The following EIF3H variants were observed in gnomAD, a reference collection of about 807,000 sequenced individuals.
EIF3H encodes the protein eukaryotic translation initiation factor 3 subunit H.
In EIF3H, 26 loss-of-function variants were observed where a neutral mutation model predicts 44.2. That is an observed-to-expected ratio of 0.59 (90% CI 0.43 to 0.82). EIF3H has a LOEUF of 0.82. Ranked by LOEUF, EIF3H falls within the 40% of genes least tolerant of loss-of-function variation. The probability of loss-of-function intolerance (pLI) is 0.00; values close to 1 mark genes in which losing one functional copy is unlikely to be tolerated. For missense variants in EIF3H, 359 were observed against 432.8 expected (o/e 0.83, Z 1.51); for synonymous variants, 166 against 151.9 (o/e 1.09, Z -0.68).
chr8:116,743,799 AAC>A lies in EIF3H; in HGVS notation c.132+11865_132+11866del, dbSNP rs368555154. On this transcript the variant is annotated intron_variant, in intron 1 of 7. Transcript: ENST00000521861. ...ATATATATATATATATATATATATA[AAC>A]ACACACACACACACACACACACACA... 4.0e-3 allele frequency among the ~76,000 whole-genome samples: 345 copies of A among 87,046 alleles called. 3 individuals are homozygous for A. The highest frequency in any genetic ancestry group is 7.8e-3 in the East Asian group (17 of 2,166). The allele number at this position is 87,046 out of a possible 152,430, so 57.1% of individuals were successfully genotyped here. A position where few individuals can be genotyped will look rare whatever the true frequency, so the allele number is the denominator to read the frequency against.
intron 2 of EIF3H, chr8:116,689,238 A>G: frequency 3.2e-6 from 1 of 309,334 alleles, no homozygotes; most frequent in Non-Finnish European, 6.7e-6. Flanking sequence ...AAACTCATAA[A>G]GACAGAATGT....
intron 5 of EIF3H, among the ~76,000 whole-genome samples, 174 bp downstream of exon 5, chr8:116,655,682 G>A (rs879099329): frequency 1.3e-5 from 2 of 152,064 alleles, no homozygotes; most frequent in African/African-American, 2.4e-5. Flanking sequence ...TCAGTTTGGC[G>A]TTTTTCCCTG....
At chr8:116,676,914 G>A (rs1813858814) in intron 2 of EIF3H, among the ~76,000 whole-genome samples, 1 of 151,592 alleles carries the variant, frequency 6.6e-6, no homozygotes, top group African/African-American at 2.4e-5. Flanking sequence ...GCAGATGATT[G>A]GCACCAGTGG....
upstream of EIF3H, among the ~76,000 whole-genome samples, chr8:116,757,834 G>A (rs1031549808): frequency 9.9e-5 from 15 of 151,514 alleles, no homozygotes; most frequent in African/African-American, 2.9e-4. Context: ...CGATTCTCTC[G>A]CCTCAGCCTC....
intron 2 of EIF3H, among the ~76,000 whole-genome samples, chr8:116,704,535 A>C (rs758178072): frequency 2.6e-5 from 4 of 152,330 alleles, no homozygotes; most frequent in Non-Finnish European, 5.9e-5. Context: ...TCTCCCTAAA[A>C]GCTAGTAAAA....
chr8:116,699,741 G>T (rs755261698), intron 2 of EIF3H, among the ~76,000 whole-genome samples: 1 of 152,176 alleles, frequency 6.6e-6, no homozygotes, highest in Non-Finnish European at 1.5e-5. Context: ...ATGCATAGGC[G>T]CCCTAATTAT....
intron 2 of EIF3H, among the ~76,000 whole-genome samples, chr8:116,718,416 A>G (rs1029906066): frequency 1.8e-4 from 28 of 152,154 alleles, no homozygotes; most frequent in African/African-American, 6.5e-4. Flanking sequence ...ATACTTGTAC[A>G]TGTATGTTTA....
intron 2 of EIF3H, among the ~76,000 whole-genome samples, chr8:116,699,940 G>A (rs1814343580): frequency 6.6e-6 from 1 of 152,086 alleles, no homozygotes; most frequent in African/African-American, 2.4e-5. Flanking sequence ...CCTTCCGAGA[G>A]CTGGGATTAC....
At chr8:116,728,209 T>C (rs1003431960) in intron 1 of EIF3H, among the ~76,000 whole-genome samples, 2 of 152,186 alleles carry the variant, frequency 1.3e-5, no homozygotes, top group South Asian at 4.1e-4. Context: ...AAACATTGTA[T>C]GACAGGCAAT....
intron 2 of EIF3H, among the ~76,000 whole-genome samples, chr8:116,668,839 G>T (rs1242093355): frequency 6.6e-6 from 1 of 152,178 alleles, no homozygotes; most frequent in African/African-American, 2.4e-5. Flanking sequence ...CTCAGGAAGA[G>T]CTCAAACCCT....
intron 2 of EIF3H, among the ~76,000 whole-genome samples, chr8:116,681,326 C>T (rs1269921640): frequency 6.6e-6 from 1 of 152,070 alleles, no homozygotes; most frequent in Non-Finnish European, 1.5e-5. Flanking sequence ...CAGGCCACTA[C>T]ACTCCAGCCT....
chr8:116,684,325 AAC>A (rs1248079738), intron 2 of EIF3H, among the ~76,000 whole-genome samples: 1 of 152,168 alleles, frequency 6.6e-6, no homozygotes, highest in African/African-American at 2.4e-5. Flanking sequence ...AAGTAGAAAA[AAC>A]AGAGAGTGAA....
intron 2 of EIF3H, among the ~76,000 whole-genome samples, chr8:116,666,840 T>C (rs1340479286): frequency 6.7e-6 from 1 of 150,146 alleles, no homozygotes; most frequent in African/African-American, 2.5e-5. Flanking sequence ...TTCCAGGTAT[T>C]AGATTAATGT....
chr8:116,736,797 G>C (rs551352142), intron 1 of EIF3H, among the ~76,000 whole-genome samples: 23 of 152,216 alleles, frequency 1.5e-4, no homozygotes, highest in African/African-American at 5.3e-4. Flanking sequence ...AGAGTTCAAA[G>C]GTCCCCTGAG....
Position 116,646,618 on chromosome 8 carries a change from G to GA in EIF3H, c.829-16dup. On this transcript the variant is annotated splice_polypyrimidine_tract_variant and intron_variant, in intron 6 of 7. Coordinates refer to ENST00000521861, the MANE Select transcript of EIF3H (RefSeq NM_003756.3). Reference sequence around the variant, plus strand: ...CGCTGCTGATACTAAAATTCAAAGGGAAAATGGTTTGGTTATTTTTCTCCA... The same window carrying GA: ...CGCTGCTGATACTAAAATTCAAAGGGAAAAATGGTTTGGTTATTTTTCTCCA... 6.2e-7 allele frequency: 1 copy of GA among 1,613,066 alleles called. No individual in the cohort carries two copies. Among genetic ancestry groups the GA allele is most frequent in the Non-Finnish European group, 8.5e-7 (1 of 1,179,232 alleles).
chr8:116,747,668 G>C (rs1389651287), intron 1 of EIF3H, among the ~76,000 whole-genome samples: 12 of 152,120 alleles, frequency 7.9e-5, no homozygotes, highest in Non-Finnish European at 1.5e-5. Context: ...CTTCAGACCA[G>C]GATCTCAGAG....
Position 116,652,889 on chromosome 8 carries a change from C to T in EIF3H, c.707+2967G>A, listed in dbSNP as rs115077664. ...GAGGCACTAGCTTCAGGTTTCTGAT[C>T]CTTTCATTTTTACCAGTGAGCAACC... On this transcript the variant is annotated intron_variant, in intron 5 of 7. Coordinates refer to ENST00000521861, the MANE Select transcript of EIF3H (RefSeq NM_003756.3). Among the ~76,000 whole-genome samples the T allele has an allele frequency of 3.2e-3, 492 of 152,224 alleles. 3 individuals are homozygous for T. Among genetic ancestry groups the T allele is most frequent in the African/African-American group, 0.011 (475 of 41,540 alleles).
intron 1 of EIF3H, among the ~76,000 whole-genome samples, chr8:116,726,893 T>C (rs1255725547): frequency 6.6e-6 from 1 of 152,228 alleles, no homozygotes; most frequent in East Asian, 1.9e-4. Context: ...TAATAATTCC[T>C]ACAACATGGC....
Position 116,647,577 on chromosome 8 carries a change from AT to A in EIF3H, c.829-975del, listed in dbSNP as rs1813325635. Among the ~76,000 whole-genome samples, 4 of 152,260 alleles carry A rather than the reference AT, an allele frequency of 2.6e-5. No homozygotes were observed. In the South Asian group the frequency reaches 6.2e-4, roughly 24 times the overall value. On this transcript the variant is annotated intron_variant, in intron 6 of 7. Transcript: ENST00000521861. Reference sequence around the variant, plus strand: ...ACTATAAACTTATAGATCAACTACAATAAGAGCTAACAGCTATGACTGCTCC... The same window carrying A: ...ACTATAAACTTATAGATCAACTACAAAAGAGCTAACAGCTATGACTGCTCC...
Sources: allele counts gnomAD v4.1 joint callset (sites outside exome capture counted in the v4.1 genomes callset), GRCh38; gene constraint gnomAD v4.1.1; transcripts MANE v1.5; gene names NCBI Gene and HGNC (gene_info 2026-07-23, HGNC 2026-07-21).